TMPRSS15: variants seen among roughly 807,000 people sequenced by gnomAD.
TMPRSS15 encodes the protein transmembrane serine protease 15.
Under a neutral mutation model 125.3 loss-of-function variants are expected in TMPRSS15, and 128 were observed. The observed-to-expected ratio is 1.02, with a 90% CI of 0.89 to 1.18. The LOEUF (loss-of-function observed/expected upper bound fraction) is 1.18. Ranked by LOEUF, TMPRSS15 falls within the 50% of genes most tolerant of loss-of-function variation. TMPRSS15 has a pLI of 0.00. For missense variants in TMPRSS15, 1,283 were observed against 1,212.7 expected (o/e 1.06, Z -0.86); for synonymous variants, 446 against 423.2 (o/e 1.05, Z -0.66).
intron 1 of TMPRSS15, among the ~76,000 whole-genome samples, chr21:18,450,540 G>A (rs2076265949): frequency 1.3e-5 from 2 of 152,170 alleles, no homozygotes; most frequent in Admixed American, 1.3e-4. Flanking sequence ...GGAGTAGAAG[G>A]AGGTTCAACT....
intron 18 of TMPRSS15, among the ~76,000 whole-genome samples, chr21:18,307,105 A>G (rs2075046499): frequency 1.3e-5 from 2 of 152,194 alleles, no homozygotes; most frequent in African/African-American, 4.8e-5. Context: ...GTTTTCTTTC[A>G]GTTACCATGC....
chr21:18,325,053 C>A (rs2075275186), intron 16 of TMPRSS15, among the ~76,000 whole-genome samples: 1 of 151,928 alleles, frequency 6.6e-6, no homozygotes, highest in African/African-American at 2.4e-5. Flanking sequence ...ATCAAATTTT[C>A]TTCTAAGTTA....
chr21:18,387,039 T>A (rs910439983), intron 3 of TMPRSS15, among the ~76,000 whole-genome samples: 1 of 152,146 alleles, frequency 6.6e-6, no homozygotes, highest in African/African-American at 2.4e-5. Context: ...AGGATAGGAG[T>A]TGCATATCCT....
intron 1 of TMPRSS15, among the ~76,000 whole-genome samples, chr21:18,411,716 C>T (rs951737677): frequency 2.0e-5 from 3 of 152,190 alleles, no homozygotes; most frequent in Admixed American, 1.3e-4. Context: ...TTTGTTCCCA[C>T]TCCACATGTG....
At chr21:18,287,423 A>C (rs1353173015) in intron 21 of TMPRSS15, among the ~76,000 whole-genome samples, 2 of 152,114 alleles carry the variant, frequency 1.3e-5, no homozygotes, top group Non-Finnish European at 2.9e-5. Context: ...TAATGTTTAG[A>C]GTCTCAAACT....
chr21:18,432,899 T>G (rs1298234360), intron 1 of TMPRSS15, among the ~76,000 whole-genome samples: 1 of 151,390 alleles, frequency 6.6e-6, no homozygotes, highest in Non-Finnish European at 1.5e-5. Flanking sequence ...CATGATGTGA[T>G]TTTTTTTCTT....
intron 1 of TMPRSS15, among the ~76,000 whole-genome samples, chr21:18,416,763 T>C (rs1028358536): frequency 1.2e-4 from 18 of 152,210 alleles, no homozygotes; most frequent in Non-Finnish European, 2.5e-4. Context: ...CTTTTGCTAT[T>C]GGACATGATA....
At chr21:18,436,961 T>C (rs1231557055) in intron 1 of TMPRSS15, among the ~76,000 whole-genome samples, 3 of 131,220 alleles carry the variant, frequency 2.3e-5, no homozygotes, top group Admixed American at 8.2e-5. Context: ...CTTCACAGAA[T>C]TGGAAAAAAC....
intron 1 of TMPRSS15, among the ~76,000 whole-genome samples, chr21:18,413,839 C>T (rs1364720782): frequency 2.0e-5 from 3 of 151,854 alleles, no homozygotes; most frequent in African/African-American, 7.3e-5. Context: ...GCGATCCTCC[C>T]ACCTCAGCCT....
At chr21:18,311,180 G>A (rs1345959003) in intron 18 of TMPRSS15, among the ~76,000 whole-genome samples, 1 of 144,542 alleles carries the variant, frequency 6.9e-6, no homozygotes, top group African/African-American at 2.7e-5. Context: ...TCTGGACAAA[G>A]ATGGCTTGAG....
intron 6 of TMPRSS15, among the ~76,000 whole-genome samples, chr21:18,368,296 GATGGTTCT>G: frequency 6.6e-6 from 1 of 152,290 alleles, no homozygotes; most frequent in East Asian, 1.9e-4. Context: ...TAGTTTCAAA[GATGGTTCT>G]ATGTTTGACA....
At chr21:18,328,886 A>G (rs1260170597) in intron 15 of TMPRSS15, among the ~76,000 whole-genome samples, 2 of 152,206 alleles carry the variant, frequency 1.3e-5, no homozygotes, top group Non-Finnish European at 2.9e-5. Flanking sequence ...CATGTATCCC[A>G]TAAATACACA....
intron 1 of TMPRSS15, among the ~76,000 whole-genome samples, chr21:18,481,368 T>C (rs1272345352): frequency 6.6e-6 from 1 of 151,768 alleles, no homozygotes; most frequent in Non-Finnish European, 1.5e-5. Context: ...TATTATTCAG[T>C]AGGTTATAGA....
chr21:18,419,874 G>C (rs891282524), intron 1 of TMPRSS15, among the ~76,000 whole-genome samples: 1 of 152,154 alleles, frequency 6.6e-6, no homozygotes, highest in Non-Finnish European at 1.5e-5. Context: ...CATGAGAAAA[G>C]TAATTTCCCA....
rs904293146 is a variant in TMPRSS15 at position 18,387,639 on chromosome 21, A to G, written c.345-3861T>C. On this transcript the variant is annotated intron_variant, in intron 3 of 24. Transcript: ENST00000284885. ...CACACACACACACACACACACACAC[A>G]CACACACACACGCACACACACCCCA... 6.4e-5 allele frequency among the ~76,000 whole-genome samples: 9 copies of G among 140,634 alleles called. 1 individual carries two copies. The highest frequency in any genetic ancestry group is 3.6e-3 in the Middle Eastern group (1 of 280). The allele number at this position is 140,634 out of a possible 152,430, so 92.3% of individuals were successfully genotyped here. A position where few individuals can be genotyped will look rare whatever the true frequency, so the allele number is the denominator to read the frequency against.
intron 23 of TMPRSS15, among the ~76,000 whole-genome samples, chr21:18,276,213 C>T (rs189318849): frequency 5.9e-5 from 9 of 152,200 alleles, no homozygotes; most frequent in African/African-American, 1.9e-4. Flanking sequence ...CACACGTGCA[C>T]GTGTGTGTGT....
At chr21:18,300,562 C>T (rs887211486) in intron 18 of TMPRSS15, among the ~76,000 whole-genome samples, 1 of 151,870 alleles carries the variant, frequency 6.6e-6, no homozygotes, top group Non-Finnish European at 1.5e-5. Flanking sequence ...CCAGGCTAGT[C>T]GTGAACTCCT....
At chr21:18,349,610 G>T in intron 10 of TMPRSS15, among the ~76,000 whole-genome samples, 1 of 152,058 alleles carries the variant, frequency 6.6e-6, no homozygotes, top group Non-Finnish European at 1.5e-5. Context: ...AAAAAAGCAG[G>T]CTAGAAGAAA....
rs1052064561 is a variant in TMPRSS15 at position 18,315,817 on chromosome 21, C to T, written c.1922-561G>A. On this transcript the variant is annotated intron_variant, in intron 16 of 24. Transcript: ENST00000284885. ...ATGTAACAAACCTGCACGTTGTGCA[C>T]GTGTACCCTAGAACTTAAAGTATAA... 6.0e-4 allele frequency among the ~76,000 whole-genome samples: 88 copies of T among 146,532 alleles called. 1 individual carries two copies. The highest frequency in any genetic ancestry group is 1.7e-3 in the South Asian group (8 of 4,674).
Sources: gnomAD v4.1 joint callset for allele counts (sites outside exome capture counted in the v4.1 genomes callset) on GRCh38, gnomAD v4.1.1 for gene constraint, MANE v1.5 for transcripts, NCBI Gene and HGNC (gene_info 2026-07-23, HGNC 2026-07-21) for gene names.